The following TAF3 variants were observed in gnomAD, a reference collection of about 807,000 sequenced individuals.
TAF3 encodes the protein transcription initiation factor TFIID subunit 3.
In TAF3, 7 loss-of-function variants were observed where a neutral mutation model predicts 80.6. The observed-to-expected ratio is 0.09, with a 90% confidence interval of 0.05 to 0.16. TAF3 has a LOEUF of 0.16. TAF3 is among the 10% of genes least tolerant of loss of function. The probability of loss-of-function intolerance (pLI) is 1.00; values close to 1 mark genes in which losing one functional copy is unlikely to be tolerated. For synonymous variants in TAF3, 444 were observed against 446.1 expected (o/e 1.00, Z 0.06); for missense variants, 921 against 1,140.2 (o/e 0.81, Z 2.77).
intron 4 of TAF3, among the ~76,000 whole-genome samples, chr10:8,007,422 A>G (rs950812604): frequency 6.6e-6 from 1 of 151,744 alleles, no homozygotes; most frequent in Non-Finnish European, 1.5e-5. Flanking sequence ...AACAATAAAC[A>G]AAAACATACC....
chr10:7,822,463 A>G (rs943140642), intron 1 of TAF3, among the ~76,000 whole-genome samples: 29 of 150,618 alleles, frequency 1.9e-4, no homozygotes, highest in African/African-American at 6.6e-4. Context: ...TTTTTAATGC[A>G]TCACAGAAGT....
Position 7,872,383 on chromosome 10 carries a change from T to C in TAF3, c.409+47823T>C, listed in dbSNP as rs1837276233. Among the ~76,000 whole-genome samples the C allele has an allele frequency of 3.3e-5, 5 of 152,322 alleles. No homozygotes were observed. The South Asian group carries it at 1.0e-3, about 32-fold the overall frequency. Reference sequence around the variant, plus strand: ...GTGGCAGAGTTTGTGGATGGCGTTATTATTTAAGTCTGTGTTCGTGTATAG... The same window carrying C: ...GTGGCAGAGTTTGTGGATGGCGTTACTATTTAAGTCTGTGTTCGTGTATAG... On this transcript the variant is annotated intron_variant, in intron 2 of 6. Transcript: ENST00000344293.
rs1554778360 is a variant in TAF3 at position 7,863,626 on chromosome 10, A to AATAT, written c.409+39084_409+39087dup. Reference sequence around the variant, plus strand: ...CTCTGTCTAAAAAAAAAAAAAAAAAAATATATATATATATATATATACACA... The same window carrying AATAT: ...CTCTGTCTAAAAAAAAAAAAAAAAAAATATATATATATATATATATATATACACA... On this transcript the variant is annotated intron_variant, in intron 2 of 6. Coordinates refer to ENST00000344293, the MANE Select transcript of TAF3 (RefSeq NM_031923.4). Among the ~76,000 whole-genome samples the AATAT allele has an allele frequency of 4.2e-4, 20 of 48,096 alleles. 4 individuals carry two copies. Among genetic ancestry groups the AATAT allele is most frequent in the Admixed American group, 9.2e-4 (3 of 3,266 alleles). 31.6% of individuals were successfully genotyped at this position (48,096 alleles called of 152,430 possible).
intron 2 of TAF3, among the ~76,000 whole-genome samples, chr10:7,845,913 A>G (rs543318829): frequency 6.7e-6 from 1 of 150,258 alleles, no homozygotes; most frequent in South Asian, 2.1e-4. Flanking sequence ...TGGTTGAAAA[A>G]GTTTGATTTC....
chr10:7,957,784 T>C (rs1248330660), intron 2 of TAF3, among the ~76,000 whole-genome samples: 1 of 107,366 alleles, frequency 9.3e-6, no homozygotes, highest in East Asian at 3.0e-4. Context: ...TCTCACGCTC[T>C]CTCTAGCGCG....
At position 7,876,973 on chromosome 10, in the gene TAF3, G is replaced by A. The variant is rs146342675; in HGVS notation, c.409+52413G>A. On this transcript the variant is annotated intron_variant, in intron 2 of 6. Transcript: ENST00000344293. ...AATAAAACTGTCATCCTGATTTTCA[G>A]ATCTCTCTTTGAACTTCCTTTACTC... 2.0e-5 allele frequency among the ~76,000 whole-genome samples: 3 copies of A among 149,578 alleles called. No individual in the cohort carries two copies. In the East Asian group the frequency reaches 5.8e-4, roughly 29 times the overall value.
chr10:7,920,597 A>G (rs1475504425), intron 2 of TAF3, among the ~76,000 whole-genome samples: 3 of 152,228 alleles, frequency 2.0e-5, no homozygotes, highest in African/African-American at 4.8e-5. Flanking sequence ...AACAGTTTCT[A>G]AAGAACAAAT....
chr10:7,818,998 C>A, intron 1 of TAF3, 123 bp downstream of exon 1: 1 of 1,012,894 alleles, frequency 9.9e-7, no homozygotes, highest in Non-Finnish European at 1.3e-6. Flanking sequence ...TCTGCTGTTT[C>A]CTCGGCCTCC....
chr10:7,912,205 G>A (rs1837662917), intron 2 of TAF3, among the ~76,000 whole-genome samples: 1 of 152,164 alleles, frequency 6.6e-6, no homozygotes, highest in African/African-American at 2.4e-5. Flanking sequence ...GAAGCCGTCT[G>A]TGTTAACTAA....
In TAF3 at chr10:7,936,371, G is replaced by T. The variant is rs556332164; in HGVS notation, c.410-27549G>T. Reference sequence around the variant, plus strand: ...CTTCTAGTTGGGGAGATAAGACGGGGATTTCTCTTACAGTTTAAAGCATTA... The same window carrying T: ...CTTCTAGTTGGGGAGATAAGACGGGTATTTCTCTTACAGTTTAAAGCATTA... On this transcript the variant is annotated intron_variant, in intron 2 of 6. Coordinates refer to ENST00000344293, the MANE Select transcript of TAF3 (RefSeq NM_031923.4). 2.6e-5 allele frequency among the ~76,000 whole-genome samples: 4 copies of T among 152,228 alleles called. No individual in the cohort carries two copies. The South Asian group carries it at 8.3e-4, about 32-fold the overall frequency.
intron 4 of TAF3, among the ~76,000 whole-genome samples, chr10:7,993,376 G>T (rs529817627): frequency 1.3e-5 from 2 of 152,198 alleles, no homozygotes; most frequent in African/African-American, 4.8e-5. Context: ...ATGGGGTCTT[G>T]CTGTGTTGCC....
intron 2 of TAF3, among the ~76,000 whole-genome samples, chr10:7,916,889 T>C (rs560780161): frequency 1.4e-4 from 21 of 152,352 alleles, no homozygotes; most frequent in Non-Finnish European, 2.4e-4. Flanking sequence ...AGTAAGTTAA[T>C]TGACAAAAAG....
chr10:7,835,866 T>C (rs1302351452), intron 2 of TAF3, among the ~76,000 whole-genome samples: 1 of 152,208 alleles, frequency 6.6e-6, no homozygotes, highest in Non-Finnish European at 1.5e-5. Flanking sequence ...CACTGATGGG[T>C]GTACTCTGTC....
intron 2 of TAF3, among the ~76,000 whole-genome samples, chr10:7,905,773 C>A (rs1231094862): frequency 6.6e-6 from 1 of 151,974 alleles, no homozygotes; most frequent in African/African-American, 2.4e-5. Flanking sequence ...ATCCCAGCTA[C>A]TCGGGAGACT....
At chr10:7,930,507 TC>T (rs1837858282) in intron 2 of TAF3, among the ~76,000 whole-genome samples, 1 of 152,230 alleles carries the variant, frequency 6.6e-6, no homozygotes, top group Admixed American at 6.5e-5. Context: ...TCAGTGCCTT[TC>T]TAAAGCTATA....
chr10:7,993,904 T>A (rs932316869), intron 4 of TAF3, among the ~76,000 whole-genome samples: 4 of 144,618 alleles, frequency 2.8e-5, no homozygotes, highest in Non-Finnish European at 4.6e-5. Context: ...TTTTTTTTTT[T>A]ACTTGCCAGT....
intron 2 of TAF3, among the ~76,000 whole-genome samples, chr10:7,884,431 G>A (rs1837389856): frequency 9.2e-6 from 1 of 108,116 alleles, no homozygotes; most frequent in Non-Finnish European, 1.9e-5. Flanking sequence ...TTGTTGCCCA[G>A]GTTGGAGTAC....
At chr10:7,894,496 G>A (rs143663691) in intron 2 of TAF3, among the ~76,000 whole-genome samples, 4 of 152,306 alleles carry the variant, frequency 2.6e-5, no homozygotes, top group East Asian at 3.9e-4. Context: ...TGACCTGATC[G>A]ATTCCTAGAT....
At chr10:8,005,620 G>A (rs1208263332) in intron 4 of TAF3, among the ~76,000 whole-genome samples, 2 of 152,094 alleles carry the variant, frequency 1.3e-5, no homozygotes, top group East Asian at 1.9e-4. Context: ...ATGCCCTTGG[G>A]GTAAAGCATC....
Sources: allele counts gnomAD v4.1 joint callset (sites outside exome capture counted in the v4.1 genomes callset), GRCh38; gene constraint gnomAD v4.1.1; transcripts MANE v1.5; gene names NCBI Gene and HGNC (gene_info 2026-07-23, HGNC 2026-07-21).